Variants in AFF3 observed in about 807,000 individuals in gnomAD.
AFF3 encodes the protein ALF transcription elongation factor 3.
Under a neutral mutation model 129.7 loss-of-function variants are expected in AFF3, and 32 were observed. The observed-to-expected ratio is 0.25, with a 90% CI of 0.19 to 0.33. The LOEUF is 0.33. Among genes scored for constraint, AFF3 ranks in the 10% least tolerant of loss-of-function variants. AFF3 has a pLI of 1.00. For synonymous variants in AFF3, 644 were observed against 635.4 expected (o/e 1.01, Z -0.20); for missense variants, 1,373 against 1,592.0 (o/e 0.86, Z 2.34).
rs1320724319 is a variant in AFF3, at chr2:100,064,406, T to C, written c.53+39996A>G. ...TAATCTGGATGGATGCCTACAGCCA[T>C]GTCTTCAATGGGCAAGGAAAGTCTT... On this transcript the variant is annotated intron_variant, in intron 4 of 24. Transcript: ENST00000672756. Among the ~76,000 whole-genome samples, 6 of 152,208 alleles carry C rather than the reference T, an allele frequency of 3.9e-5. 1 individual carries two copies. Among genetic ancestry groups the C allele is most frequent in the South Asian group, 4.1e-4 (2 of 4,836 alleles).
Position 99,594,152 on chromosome 2 carries a change from G to C in AFF3, c.1509C>G (p.Asp503Glu), listed in dbSNP as rs1558620223. ...SNQYYNPVKE[D>E]VQDCGKVPDV... ...CGGGGACTTTCCCACAGTCCTGGAC[G>C]TCCTCTTTCACCGGGTTGTAGTACT... Residue 503 changes from aspartate to glutamate, a missense_variant, in exon 15 of 25, where the codon GAC (aspartate) becomes GAG (glutamate). Asp to Glu is a conservative substitution (Grantham distance 45). Transcript: ENST00000672756. The C allele has an allele frequency of 6.2e-7, 1 of 1,614,132 alleles. No individual in the cohort carries two copies. Among genetic ancestry groups the C allele is most frequent in the South Asian group, 1.1e-5 (1 of 91,074 alleles).
At chr2:100,051,476 A>G (rs1297274583) in intron 4 of AFF3, among the ~76,000 whole-genome samples, 2 of 152,212 alleles carry the variant, frequency 1.3e-5, no homozygotes, top group South Asian at 2.1e-4. Flanking sequence ...CTGTCTCCAG[A>G]AAAGGAAGAA....
In AFF3 at chr2:100,137,550, CACACACACAG is replaced by C. The variant is rs58124135; in HGVS notation, c.-228+4924_-228+4933del. ...GCACACGTGCATACACACACACACA[CACACACACAG>C]ACACACAGAGGCATCCTGGAGGAAA... On this transcript the variant is annotated intron_variant, in intron 1 of 24. Coordinates refer to ENST00000672756, the MANE Select transcript of AFF3 (RefSeq NM_001386135.1). 7.1e-3 allele frequency among the ~76,000 whole-genome samples: 1,001 copies of C among 141,052 alleles called. 12 individuals are homozygous for C. The highest frequency in any genetic ancestry group is 0.025 in the African/African-American group (955 of 38,300). 92.5% of individuals were successfully genotyped at this position (141,052 alleles called of 152,430 possible). A position where few individuals can be genotyped will look rare whatever the true frequency, so the allele number is the denominator to read the frequency against.
At chr2:99,978,551 G>A (rs867399563) in intron 7 of AFF3, among the ~76,000 whole-genome samples, 2 of 152,168 alleles carry the variant, frequency 1.3e-5, no homozygotes, top group African/African-American at 4.8e-5. Flanking sequence ...TCTCCCCCCA[G>A]ACAAACCCAA....
chr2:99,978,727 T>C (rs2104486001), intron 7 of AFF3, among the ~76,000 whole-genome samples: 1 of 152,078 alleles, frequency 6.6e-6, no homozygotes, highest in African/African-American at 2.4e-5. Context: ...GCAGAGCCAG[T>C]TGAGAATGGT....
chr2:99,892,972 G>A (rs936235862), intron 7 of AFF3, among the ~76,000 whole-genome samples: 1 of 152,106 alleles, frequency 6.6e-6, no homozygotes, highest in Non-Finnish European at 1.5e-5. Context: ...TGTGGACTTG[G>A]GGGGTGACCA....
chr2:99,654,685 G>A (rs562516117), intron 12 of AFF3, among the ~76,000 whole-genome samples: 4 of 152,260 alleles, frequency 2.6e-5, no homozygotes, highest in East Asian at 1.9e-4. Context: ...AAGAGAACAC[G>A]TCATTGATCC....
intron 7 of AFF3, among the ~76,000 whole-genome samples, chr2:99,883,912 C>A (rs1692911858): frequency 6.6e-6 from 1 of 152,138 alleles, no homozygotes; most frequent in African/African-American, 2.4e-5. Flanking sequence ...ATTTCAGGGG[C>A]CTTGTTTATT....
intron 13 of AFF3, among the ~76,000 whole-genome samples, chr2:99,638,797 T>C (rs1448251168): frequency 6.6e-6 from 1 of 152,218 alleles, no homozygotes; most frequent in Non-Finnish European, 1.5e-5. Context: ...TCTGGAAACA[T>C]ACACATAACA....
chr2:99,753,930 T>C (rs917159822), intron 8 of AFF3, among the ~76,000 whole-genome samples: 3 of 152,222 alleles, frequency 2.0e-5, no homozygotes, highest in African/African-American at 7.2e-5. Context: ...TTGAGGAGGC[T>C]GATAAGCAGG....
At chr2:99,673,799 C>T (rs932759001) in intron 11 of AFF3, among the ~76,000 whole-genome samples, 2 of 152,236 alleles carry the variant, frequency 1.3e-5, no homozygotes, top group African/African-American at 4.8e-5. Context: ...ACTTTTGGGG[C>T]GAACTGGGGG....
intron 7 of AFF3, among the ~76,000 whole-genome samples, chr2:99,946,409 G>C (rs1675567007): frequency 6.7e-6 from 1 of 149,598 alleles, no homozygotes; most frequent in Non-Finnish European, 1.5e-5. Flanking sequence ...GGGAGGTGGG[G>C]GTTGCAGTGA....
rs970433697 is a variant in AFF3, at chr2:99,777,886, G to A, written c.922-25585C>T. On this transcript the variant is annotated intron_variant, in intron 8 of 24. Transcript: ENST00000672756. ...TCCTGTACACCCTGGCCCTGGGAGC[G>A]CAGGCTCAGTTTGCACAGCATTACT... Among the ~76,000 whole-genome samples, 9 of 139,712 alleles carry A rather than the reference G, an allele frequency of 6.4e-5. No homozygotes were observed. In the East Asian group the frequency reaches 6.5e-4, roughly 10 times the overall value. The allele number at this position is 139,712 out of a possible 152,430, so 91.7% of individuals were successfully genotyped here. A position where few individuals can be genotyped will look rare whatever the true frequency, so the allele number is the denominator to read the frequency against.
chr2:99,893,954 T>C (rs1304666139), intron 7 of AFF3, among the ~76,000 whole-genome samples: 1 of 152,196 alleles, frequency 6.6e-6, no homozygotes, highest in Non-Finnish European at 1.5e-5. Context: ...TTCTTATCTG[T>C]AAACTGGAGC....
At chr2:100,066,910 G>A (rs552886767) in intron 4 of AFF3, among the ~76,000 whole-genome samples, 6 of 152,260 alleles carry the variant, frequency 3.9e-5, no homozygotes, top group East Asian at 1.9e-4. Flanking sequence ...GGAGAACTGC[G>A]CAATACTGTA....
chr2:99,796,338 A>C (rs1576010353), intron 8 of AFF3, among the ~76,000 whole-genome samples: 1 of 152,350 alleles, frequency 6.6e-6, no homozygotes, highest in African/African-American at 2.4e-5. Context: ...AAAACTCTTC[A>C]ATTTATTACA....
At chr2:99,869,032 C>A (rs1483545884) in intron 7 of AFF3, among the ~76,000 whole-genome samples, 1 of 151,314 alleles carries the variant, frequency 6.6e-6, no homozygotes, top group Non-Finnish European at 1.5e-5. Context: ...CTCAAGTGAT[C>A]CCTCTGCCTC....
At chr2:99,801,433 T>C (rs530793182) in intron 8 of AFF3, among the ~76,000 whole-genome samples, 3 of 152,344 alleles carry the variant, frequency 2.0e-5, no homozygotes, top group South Asian at 4.1e-4. Context: ...ATTTTGGTGA[T>C]TGTAATATTT....
At chr2:99,704,907 G>C (rs1194431090) in intron 11 of AFF3, among the ~76,000 whole-genome samples, 1 of 152,154 alleles carries the variant, frequency 6.6e-6, no homozygotes, top group East Asian at 1.9e-4. Context: ...GAAGACATCA[G>C]AGTTAGAGAT....
Sources: allele counts gnomAD v4.1 joint callset (sites outside exome capture counted in the v4.1 genomes callset), GRCh38; gene constraint gnomAD v4.1.1; transcripts MANE v1.5; gene names NCBI Gene and HGNC (gene_info 2026-07-23, HGNC 2026-07-21).